The following KCND3 variants were observed in gnomAD, a reference collection of about 807,000 sequenced individuals.
KCND3 encodes potassium voltage-gated channel subfamily D member 3.
Under a neutral mutation model 51.1 loss-of-function variants are expected in KCND3, and 9 were observed. That is an observed-to-expected ratio of 0.18 (90% CI 0.11 to 0.31). The LOEUF is 0.31. KCND3 is among the 10% of genes least tolerant of loss of function. KCND3 has a pLI of 1.00. For missense variants in KCND3, 526 were observed against 903.8 expected, an observed-to-expected ratio of 0.58 and a Z score of 5.36; for synonymous variants, 349 against 368.0, an observed-to-expected ratio of 0.95 and a Z score of 0.59.
intron 2 of KCND3, among the ~76,000 whole-genome samples, chr1:111,831,017 C>T (rs1360577193): frequency 1.8e-4 from 28 of 152,224 alleles, no homozygotes; most frequent in Non-Finnish European, 1.5e-5. Flanking sequence ...AATTTTGTGA[C>T]TAAACAGGAC....
intron 2 of KCND3, among the ~76,000 whole-genome samples, chr1:111,840,403 C>T (rs968776284): frequency 3.9e-5 from 6 of 152,184 alleles, no homozygotes; most frequent in Non-Finnish European, 7.4e-5. Context: ...GCATTCTTTG[C>T]GTCTTCATTG....
intron 2 of KCND3, among the ~76,000 whole-genome samples, chr1:111,901,366 C>A (rs1670374837): frequency 6.6e-6 from 1 of 152,134 alleles, no homozygotes; most frequent in South Asian, 2.1e-4. Flanking sequence ...AAAGGAGTTA[C>A]TTTCTACTTG....
At chr1:111,835,265 G>A (rs1216503300) in intron 2 of KCND3, among the ~76,000 whole-genome samples, 2 of 152,166 alleles carry the variant, frequency 1.3e-5, no homozygotes, top group East Asian at 1.9e-4. Context: ...TGGAGGGCAG[G>A]GAGAGGATCA....
At chr1:111,799,046 A>G (rs1190657143) in intron 2 of KCND3, among the ~76,000 whole-genome samples, 8 of 152,130 alleles carry the variant, frequency 5.3e-5, no homozygotes, top group Non-Finnish European at 7.4e-5. Flanking sequence ...GGCTAAAAGC[A>G]AACAGAGAGA....
At chr1:111,835,693 A>G (rs2101629353) in intron 2 of KCND3, among the ~76,000 whole-genome samples, 1 of 152,366 alleles carries the variant, frequency 6.6e-6, no homozygotes, top group South Asian at 2.1e-4. Flanking sequence ...ATATAGTCTA[A>G]GAAGGGTAGG....
chr1:111,864,470 T>C (rs1045722001), intron 2 of KCND3, among the ~76,000 whole-genome samples: 1 of 152,218 alleles, frequency 6.6e-6, no homozygotes, highest in African/African-American at 2.4e-5. Flanking sequence ...AAAATGTAAT[T>C]CTTGATAATT....
intron 2 of KCND3, among the ~76,000 whole-genome samples, chr1:111,823,651 G>T (rs1320057122): frequency 6.6e-6 from 1 of 152,148 alleles, no homozygotes; most frequent in African/African-American, 2.4e-5. Flanking sequence ...GGTCCATTAT[G>T]CCCTGCAAAG....
chr1:111,978,999 C>T (rs1472008234), intron 2 of KCND3, among the ~76,000 whole-genome samples: 1 of 152,230 alleles, frequency 6.6e-6, no homozygotes, highest in Non-Finnish European at 1.5e-5. Context: ...GTTGCTTTCT[C>T]ATTACTTATC....
intron 2 of KCND3, among the ~76,000 whole-genome samples, chr1:111,848,798 G>C (rs578039749): frequency 6.6e-6 from 1 of 152,354 alleles, no homozygotes; most frequent in South Asian, 2.1e-4. Context: ...GTAGGGCGTG[G>C]AGATGACGTG....
intron 2 of KCND3, among the ~76,000 whole-genome samples, chr1:111,924,583 C>T (rs748073927): frequency 1.3e-5 from 2 of 152,218 alleles, no homozygotes; most frequent in African/African-American, 4.8e-5. Flanking sequence ...GGCCAAAGGT[C>T]CCTCATACTT....
At chr1:111,948,019 G>C (rs761284683) in intron 2 of KCND3, among the ~76,000 whole-genome samples, 9 of 152,158 alleles carry the variant, frequency 5.9e-5, no homozygotes, top group Non-Finnish European at 8.8e-5. Context: ...CCTCCGAGGA[G>C]CCCTGTTCAG....
intron 2 of KCND3, among the ~76,000 whole-genome samples, chr1:111,937,070 T>C (rs975999378): frequency 1.3e-5 from 2 of 152,092 alleles, no homozygotes; most frequent in African/African-American, 4.8e-5. Context: ...GTACGAACAG[T>C]AGGCAGACAT....
Position 111,780,383 on chromosome 1 carries a change from T to C in KCND3, c.1372-69A>G. The C allele has an allele frequency of 7.1e-7, 1 of 1,399,338 alleles. No individual in the cohort carries two copies. Among genetic ancestry groups the C allele is most frequent in the South Asian group, 1.2e-5 (1 of 81,008 alleles). The allele number at this position is 1,399,338 out of a possible 1,614,324, so 86.7% of individuals were successfully genotyped here. On this transcript the variant is annotated intron_variant, in intron 4 of 7. Coordinates refer to ENST00000302127, the MANE Select transcript of KCND3 (RefSeq NM_001378969.1). The surrounding 1 kb of genome is among the most constrained non-coding windows in gnomAD (Gnocchi z 4.2). ...TTCCCCTCTCCAGCTCCTTCATTTC[T>C]CCACTAAAGGTCAAAGGGCAATAGA...
At chr1:111,811,779 A>C (rs1185994969) in intron 2 of KCND3, among the ~76,000 whole-genome samples, 1 of 152,228 alleles carries the variant, frequency 6.6e-6, no homozygotes, top group Non-Finnish European at 1.5e-5. Flanking sequence ...TCTATTTTCA[A>C]CTTCCCCTGG....
In KCND3 at chr1:111,950,452, G is replaced by A. The variant is rs796516361; in HGVS notation, c.1106+31169C>T. Among the ~76,000 whole-genome samples the A allele has an allele frequency of 1.1e-4, 16 of 152,232 alleles. 1 individual carries two copies. Among genetic ancestry groups the A allele is most frequent in the African/African-American group, 3.6e-4 (15 of 41,544 alleles). On this transcript the variant is annotated intron_variant, in intron 2 of 7. Transcript: ENST00000302127. ...TTATCCCCCTCACTCCCTGAGGACCGGCACCTGACCGTGCTCTCCCCTCGA... is the reference window on the plus strand; with the variant it reads ...TTATCCCCCTCACTCCCTGAGGACCAGCACCTGACCGTGCTCTCCCCTCGA...
At chr1:111,975,493 C>T (rs1226170088) in intron 2 of KCND3, among the ~76,000 whole-genome samples, 1 of 152,188 alleles carries the variant, frequency 6.6e-6, no homozygotes, top group Non-Finnish European at 1.5e-5. Context: ...GCTTACTTCT[C>T]CCATCTCCAC....
chr1:111,986,392 C>G (rs1475740360), intron 1 of KCND3, among the ~76,000 whole-genome samples: 1 of 152,196 alleles, frequency 6.6e-6, no homozygotes, highest in Non-Finnish European at 1.5e-5. Context: ...CCATTGATCA[C>G]CTCACTGCCA....
Position 111,773,967 on chromosome 1 carries a change from GT to G in KCND3, c.*2109del, listed in dbSNP as rs1664013583. 1 of 152,208 alleles carries G rather than the reference GT, an allele frequency of 6.6e-6. No homozygotes were observed. The highest frequency in any genetic ancestry group is 1.5e-5 in the Non-Finnish European group (1 of 68,046). The allele number at this position is 152,208 out of a possible 1,614,324, so 9.4% of individuals were successfully genotyped here. A position where few individuals can be genotyped will look rare whatever the true frequency, so the allele number is the denominator to read the frequency against. ...TGTGTGTATACACATGTACTCTGTA[GT>G]TGTAAAGCTTTTCTGCCTTCTTAGT... On this transcript the variant is annotated 3_prime_UTR_variant, in exon 8 of 8. Coordinates refer to ENST00000302127, the MANE Select transcript of KCND3 (RefSeq NM_001378969.1).
At chr1:111,938,534 C>T (rs1348922051) in intron 2 of KCND3, among the ~76,000 whole-genome samples, 3 of 152,146 alleles carry the variant, frequency 2.0e-5, no homozygotes, top group East Asian at 3.9e-4. Flanking sequence ...AAGAACAACA[C>T]GGGGGAAGGG....
Sources: gnomAD v4.1 joint callset for allele counts (sites outside exome capture counted in the v4.1 genomes callset) on GRCh38, gnomAD v4.1.1 for gene constraint, Gnocchi (gnomAD v3.1) non-coding constraint, MANE v1.5 for transcripts, NCBI Gene and HGNC (gene_info 2026-07-23, HGNC 2026-07-21) for gene names.